The following ITGB6 variants were observed in gnomAD, a reference collection of about 807,000 sequenced individuals.
ITGB6 encodes the protein integrin beta-6.
In ITGB6, 80 loss-of-function variants were observed where a neutral mutation model predicts 84.5. That is an observed-to-expected ratio of 0.95 (90% CI 0.79 to 1.14). ITGB6 has a LOEUF of 1.14. Among genes scored for constraint, ITGB6 ranks in the 50% most tolerant of loss-of-function variants. The pLI, the probability that ITGB6 is intolerant of heterozygous loss-of-function variation, is 0.00. For missense variants in ITGB6, 1,006 were observed against 968.0 expected (o/e 1.04, Z -0.52); for synonymous variants, 383 against 354.9 (o/e 1.08, Z -0.89).
chr2:160,175,120 G>T (rs1214009605), intron 4 of ITGB6, among the ~76,000 whole-genome samples: 7 of 152,232 alleles, frequency 4.6e-5, no homozygotes, highest in African/African-American at 1.2e-4. Context: ...GCCTGGGGAT[G>T]AACTGGTTGA....
chr2:160,180,871 A>G (rs1181550529), intron 4 of ITGB6, among the ~76,000 whole-genome samples: 5 of 152,194 alleles, frequency 3.3e-5, no homozygotes, highest in Non-Finnish European at 7.3e-5. Flanking sequence ...TCACCTCACC[A>G]TGGAAGCGCA....
intron 13 of ITGB6, among the ~76,000 whole-genome samples, chr2:160,110,248 T>C (rs549993671): frequency 6.6e-6 from 1 of 152,320 alleles, no homozygotes; most frequent in South Asian, 2.1e-4. Context: ...TTAATGTCTC[T>C]ATGCCTCAAT....
intron 4 of ITGB6, among the ~76,000 whole-genome samples, chr2:160,176,530 T>C (rs1435114808): frequency 2.0e-5 from 3 of 152,258 alleles, no homozygotes; most frequent in Admixed American, 6.5e-5. Context: ...TCAGGTTTCA[T>C]TGAAACTCTA....
chr2:160,163,296 G>A (rs1684886321), intron 7 of ITGB6, among the ~76,000 whole-genome samples: 1 of 152,202 alleles, frequency 6.6e-6, no homozygotes. Context: ...TGGTTTAGCT[G>A]TCAGGCAGCT....
At position 160,142,066 on chromosome 2, in the gene ITGB6, G is replaced by A. The variant is rs767415061; in HGVS notation, c.1023C>T (p.Tyr341=). 1.1e-5 allele frequency: 18 copies of A among 1,585,362 alleles called. No individual in the cohort carries two copies. The highest frequency in any genetic ancestry group is 6.9e-5 in the Admixed American group (4 of 58,124). ...TQEQVHLYEN[Y]AKLIPGATVG... ...CTGTAGCTCCAGGAATAAGTTTTGC[G>A]TAATTCTGTAAACAGAAAAAGAGTA... Residue 341 remains tyrosine (Y), a synonymous_variant, in exon 8 of 15, where the codon TAC becomes TAT. Coordinates refer to ENST00000283249, the MANE Select transcript of ITGB6 (RefSeq NM_000888.5).
In ITGB6 at chr2:160,174,050, T is replaced by TTCACAATTTCATTGAATCTTTCAGCA; in HGVS notation, c.657_682dup (p.Lys228MetfsTer9). 1 of 1,613,218 alleles carries TTCACAATTTCATTGAATCTTTCAGCA rather than the reference T, an allele frequency of 6.2e-7. No individual in the cohort carries two copies. The highest frequency in any genetic ancestry group is 8.5e-7 in the Non-Finnish European group (1 of 1,179,734). On this transcript the variant is annotated stop_gained and frameshift_variant, in exon 5 of 15. Transcript: ENST00000283249. LOFTEE classifies it high-confidence loss of function. ...AATATTAGCAGAAATTTTCTGATTCTTCACAATTTCATTGAATCTTTCAGC... is the reference window on the plus strand; with the variant it reads ...AATATTAGCAGAAATTTTCTGATTCTTCACAATTTCATTGAATCTTTCAGCATCACAATTTCATTGAATCTTTCAGC...
chr2:160,128,148 C>T (rs1350745689), intron 10 of ITGB6, among the ~76,000 whole-genome samples: 1 of 151,764 alleles, frequency 6.6e-6, no homozygotes, highest in Admixed American at 6.6e-5. Flanking sequence ...GTATAGGAGG[C>T]AGGCTAATGA....
intron 10 of ITGB6, among the ~76,000 whole-genome samples, chr2:160,134,621 A>T (rs1054741845): frequency 1.3e-5 from 2 of 152,240 alleles, no homozygotes; most frequent in Non-Finnish European, 2.9e-5. Flanking sequence ...ATTTTAGACG[A>T]ATATCCCTGA....
intron 7 of ITGB6, among the ~76,000 whole-genome samples, chr2:160,146,542 C>T (rs1684197254): frequency 6.6e-6 from 1 of 152,118 alleles, no homozygotes; most frequent in Non-Finnish European, 1.5e-5. Context: ...AAAAGATTGG[C>T]TTACATAGAC....
chr2:160,194,275 G>T (rs1686249782), intron 4 of ITGB6, among the ~76,000 whole-genome samples: 1 of 151,976 alleles, frequency 6.6e-6, no homozygotes, highest in African/African-American at 2.4e-5. Context: ...TTTCCTTTAT[G>T]GTTAAATTAT....
At chr2:160,107,615 C>T (rs1696959017) in intron 14 of ITGB6, 64 bp downstream of exon 14, 2 of 1,469,516 alleles carry the variant, frequency 1.4e-6, no homozygotes, top group Non-Finnish European at 9.5e-7. Flanking sequence ...AAGCTGAGCC[C>T]CTCAATCTCT....
chr2:160,180,137 A>C (rs1318781707), intron 4 of ITGB6, among the ~76,000 whole-genome samples: 2 of 151,874 alleles, frequency 1.3e-5, no homozygotes, highest in East Asian at 3.9e-4. Context: ...AACAAACAAA[A>C]AAAACAACCT....
intron 12 of ITGB6, 124 bp from the exon 13 acceptor site, chr2:160,112,323 AG>A: frequency 1.1e-6 from 1 of 928,404 alleles, no homozygotes; most frequent in Non-Finnish European, 1.6e-6. Flanking sequence ...TGAGAATAGG[AG>A]AGGCATAGGT....
chr2:160,108,214 A>AGTGTGTGTGTGTGTGTGTGT (rs57363305), intron 13 of ITGB6, among the ~76,000 whole-genome samples: 22 of 142,718 alleles, frequency 1.5e-4, no homozygotes, highest in Non-Finnish European at 2.6e-4. Flanking sequence ...GCAGAAATGG[A>AGTGTGTGTGTGTGTGTGTGT]GTGTGTGTGT....
At chr2:160,193,967 G>T (rs1001262055) in intron 4 of ITGB6, among the ~76,000 whole-genome samples, 4 of 152,178 alleles carry the variant, frequency 2.6e-5, no homozygotes, top group Admixed American at 1.3e-4. Flanking sequence ...GACCAGCCTG[G>T]CCAACATAGC....
chr2:160,151,579 A>C (rs1478184131), intron 7 of ITGB6, among the ~76,000 whole-genome samples: 1 of 152,200 alleles, frequency 6.6e-6, no homozygotes, highest in East Asian at 1.9e-4. Flanking sequence ...AAAAGAAGAC[A>C]AGAAATAACT....
chr2:160,132,999 G>T (rs532136452), intron 10 of ITGB6, among the ~76,000 whole-genome samples: 1 of 152,014 alleles, frequency 6.6e-6, no homozygotes, highest in Non-Finnish European at 1.5e-5. Flanking sequence ...ATGAGTGAAG[G>T]CCCTGAAAGC....
chr2:160,117,818 C>T (rs1481966240), intron 12 of ITGB6, among the ~76,000 whole-genome samples: 3 of 152,084 alleles, frequency 2.0e-5, no homozygotes, highest in African/African-American at 7.2e-5. Flanking sequence ...TGCAATAAAA[C>T]ATGATAAAGG....
intron 7 of ITGB6, among the ~76,000 whole-genome samples, chr2:160,163,108 G>C (rs1246856083): frequency 6.6e-6 from 1 of 152,106 alleles, no homozygotes; most frequent in African/African-American, 2.4e-5. Flanking sequence ...TGTGTGGCCT[G>C]TTCTTACCAC....
Sources: gnomAD v4.1 joint callset for allele counts (sites outside exome capture counted in the v4.1 genomes callset) on GRCh38, gnomAD v4.1.1 for gene constraint, MANE v1.5 for transcripts, NCBI Gene and HGNC (gene_info 2026-07-23, HGNC 2026-07-21) for gene names.